Variants in GPHN observed in about 807,000 individuals in gnomAD.
GPHN encodes the protein gephyrin.
GPHN carries 17 observed loss-of-function variants against 95.5 expected under a neutral mutation model. The ratio of observed to expected loss-of-function variants is 0.18; its 90% CI spans 0.12 to 0.27. The LOEUF is 0.27. GPHN is among the 10% of genes least tolerant of loss of function. GPHN has a pLI of 1.00. For synonymous variants in GPHN, 320 were observed against 322.5 expected, an observed-to-expected ratio of 0.99 and a Z score of 0.08; for missense variants, 660 against 978.1, an observed-to-expected ratio of 0.67 and a Z score of 4.34.
At chr14:66,900,457 T>G (rs2065071148) in intron 5 of GPHN, among the ~76,000 whole-genome samples, 1 of 151,822 alleles carries the variant, frequency 6.6e-6, no homozygotes, top group South Asian at 2.1e-4. Flanking sequence ...TTTTTCTTTT[T>G]TTTTTAATCT....
intron 4 of GPHN, among the ~76,000 whole-genome samples, chr14:66,870,921 C>A (rs1038046214): frequency 1.3e-5 from 2 of 152,180 alleles, no homozygotes; most frequent in African/African-American, 4.8e-5. Flanking sequence ...ATTCTGATTT[C>A]ATACCACAGA....
intron 11 of GPHN, among the ~76,000 whole-genome samples, chr14:67,059,260 A>G (rs1202544970): frequency 1.3e-5 from 2 of 152,284 alleles, no homozygotes; most frequent in East Asian, 3.9e-4. Context: ...CATGGATACT[A>G]AGACAACGGA....
chr14:67,354,801 T>C, the GPHN span, among the ~76,000 whole-genome samples: 1 of 152,182 alleles, frequency 6.6e-6, no homozygotes. Flanking sequence ...CTATATTCTT[T>C]TGTACCTTTT....
chr14:67,167,107 G>C (rs1174317978), intron 20 of GPHN, among the ~76,000 whole-genome samples: 3 of 152,142 alleles, frequency 2.0e-5, no homozygotes, highest in Non-Finnish European at 4.4e-5. Context: ...AACATTGCTA[G>C]AGTGACACAT....
the GPHN span, chr14:67,199,802 C>T: frequency 7.9e-6 from 12 of 1,519,338 alleles, no homozygotes; most frequent in Non-Finnish European, 8.0e-6. Context: ...ACCCCCAGTG[C>T]TGCCTCCTGG....
chr14:67,647,034 CTA>C, the GPHN span: 14 of 1,576,138 alleles, frequency 8.9e-6, no homozygotes, highest in Non-Finnish European at 1.2e-5. Context: ...AAGTAAGTAA[CTA>C]TAACTGATGT....
At chr14:67,056,688 C>G (rs1164097003) in intron 10 of GPHN, among the ~76,000 whole-genome samples, 1 of 151,910 alleles carries the variant, frequency 6.6e-6, no homozygotes, top group Non-Finnish European at 1.5e-5. Flanking sequence ...ACGCCAGGGC[C>G]GTGGGTGGAG....
intron 2 of GPHN, among the ~76,000 whole-genome samples, chr14:66,751,251 G>C (rs542490082): frequency 6.6e-6 from 1 of 151,842 alleles, no homozygotes; most frequent in Admixed American, 6.6e-5. Flanking sequence ...CTGTCTCCAC[G>C]TCTTTGTGGA....
the GPHN span, chr14:67,387,131 T>C: frequency 8.4e-6 from 4 of 477,772 alleles, no homozygotes; most frequent in Non-Finnish European, 1.4e-5. Flanking sequence ...TTCTAGCCTT[T>C]CCAGGTTTGT....
chr14:67,630,745 A>G, the GPHN span, among the ~76,000 whole-genome samples: 1 of 151,892 alleles, frequency 6.6e-6, no homozygotes, highest in African/African-American at 2.4e-5. Context: ...TGCCCAGCTA[A>G]TTTTTTGTAT....
intron 1 of GPHN, among the ~76,000 whole-genome samples, chr14:66,545,532 C>T (rs868513528): frequency 1.9e-3 from 194 of 101,746 alleles, no homozygotes; most frequent in African/African-American, 7.8e-3. Context: ...ACCTCCCTCC[C>T]GGACGGGGCG....
chr14:67,466,085 G>A, the GPHN span, among the ~76,000 whole-genome samples: 4 of 152,172 alleles, frequency 2.6e-5, no homozygotes, highest in African/African-American at 9.7e-5. Context: ...CTCATTTTGT[G>A]GTAATTTGTT....
chr14:67,138,786 A>G (rs562029995), intron 17 of GPHN, among the ~76,000 whole-genome samples: 1 of 150,546 alleles, frequency 6.6e-6, no homozygotes, highest in Non-Finnish European at 1.5e-5. Flanking sequence ...ATTCTGAATC[A>G]TGTTCATTTC....
At chr14:66,742,912 C>T (rs1439156912) in intron 2 of GPHN, among the ~76,000 whole-genome samples, 1 of 152,212 alleles carries the variant, frequency 6.6e-6, no homozygotes. Context: ...CAGGCGCACA[C>T]CGCCATGCTT....
chr14:67,557,294 A>C, the GPHN span: 1 of 1,613,866 alleles, frequency 6.2e-7, no homozygotes, highest in Non-Finnish European at 8.5e-7. Flanking sequence ...GAGAAGGTAA[A>C]ACTATCCAAT....
At chr14:67,314,512 C>T in the GPHN span, among the ~76,000 whole-genome samples, 1 of 152,198 alleles carries the variant, frequency 6.6e-6, no homozygotes, top group South Asian at 2.1e-4. Context: ...ATGCTAAAAC[C>T]CGTGATTCTT....
intron 8 of GPHN, among the ~76,000 whole-genome samples, chr14:66,938,516 C>T (rs1028466157): frequency 1.3e-5 from 2 of 152,076 alleles, no homozygotes; most frequent in Non-Finnish European, 2.9e-5. Flanking sequence ...CTTGGCTTAG[C>T]AGTCTGCTTT....
the GPHN span, among the ~76,000 whole-genome samples, chr14:67,464,019 C>A: frequency 6.6e-6 from 1 of 152,080 alleles, no homozygotes; most frequent in Non-Finnish European, 1.5e-5. Context: ...CCTCAACAGG[C>A]CCAGCTCACA....
chr14:67,360,929 T>C, the GPHN span, among the ~76,000 whole-genome samples: 1 of 152,148 alleles, frequency 6.6e-6, no homozygotes, highest in Non-Finnish European at 1.5e-5. Flanking sequence ...CTGAGAAACC[T>C]GTGGGACGGG....
Sources: gnomAD v4.1 joint callset for allele counts (sites outside exome capture counted in the v4.1 genomes callset) on GRCh38, gnomAD v4.1.1 for gene constraint, MANE v1.5 for transcripts, NCBI Gene and HGNC (gene_info 2026-07-23, HGNC 2026-07-21) for gene names.